Variants in THADA observed in about 807,000 individuals in gnomAD.
THADA encodes THADA armadillo repeat containing.
THADA carries 213 observed loss-of-function variants against 219.8 expected under a neutral mutation model. The observed-to-expected ratio is 0.97, with a 90% CI of 0.87 to 1.09. THADA has a LOEUF of 1.09. Among genes scored for constraint, THADA ranks in the 50% least tolerant of loss-of-function variants. THADA has a pLI of 0.00. For missense variants in THADA, 2,956 were observed against 2,311.3 expected, an observed-to-expected ratio of 1.28 and a Z score of -5.72; for synonymous variants, 1,018 against 828.9, an observed-to-expected ratio of 1.23 and a Z score of -3.92.
At chr2:43,414,989 T>C (rs962290588) in intron 28 of THADA, among the ~76,000 whole-genome samples, 1 of 152,154 alleles carries the variant, frequency 6.6e-6, no homozygotes, top group Non-Finnish European at 1.5e-5. Context: ...ACTGAAAACA[T>C]GAGAGCAAAT....
chr2:43,490,974 G>A (rs769050198), intron 25 of THADA, among the ~76,000 whole-genome samples: 1 of 152,108 alleles, frequency 6.6e-6, no homozygotes. Flanking sequence ...ACTTAAAAGA[G>A]TTATTGTAAA....
At chr2:43,547,340 T>A (rs1181677951) in intron 20 of THADA, among the ~76,000 whole-genome samples, 6 of 152,342 alleles carry the variant, frequency 3.9e-5, no homozygotes, top group East Asian at 3.9e-4. Flanking sequence ...CTGACAATTA[T>A]CTGTCTTGGA....
At chr2:43,576,172 A>G (rs960983851) in intron 10 of THADA, among the ~76,000 whole-genome samples, 2 of 152,238 alleles carry the variant, frequency 1.3e-5, no homozygotes, top group African/African-American at 4.8e-5. Flanking sequence ...TGAATAAACT[A>G]ATAAACTGAA....
At chr2:43,455,665 T>A (rs1439217918) in intron 26 of THADA, among the ~76,000 whole-genome samples, 1 of 152,216 alleles carries the variant, frequency 6.6e-6, no homozygotes, top group African/African-American at 2.4e-5. Context: ...AAGCCTATCC[T>A]GAATAAGCAG....
chr2:43,347,159 C>T (rs4952986), intron 29 of THADA, among the ~76,000 whole-genome samples: 6,428 of 152,138 alleles, frequency 0.042, 890 homozygotes, highest in East Asian at 0.36. Flanking sequence ...ATTTTGAAGC[C>T]GGGCAGAGAT....
At chr2:43,523,874 A>T (rs1016692632) in intron 22 of THADA, among the ~76,000 whole-genome samples, 1 of 152,240 alleles carries the variant, frequency 6.6e-6, no homozygotes, top group African/African-American at 2.4e-5. Flanking sequence ...ATTATAATCA[A>T]TGATTTTATC....
At chr2:43,411,372 G>C (rs967682688) in intron 28 of THADA, among the ~76,000 whole-genome samples, 1 of 152,180 alleles carries the variant, frequency 6.6e-6, no homozygotes, top group African/African-American at 2.4e-5. Flanking sequence ...AAGGACACTT[G>C]ACAGCTCCAA....
intron 30 of THADA, among the ~76,000 whole-genome samples, chr2:43,341,842 C>A (rs1021920066): frequency 6.6e-6 from 1 of 152,152 alleles, no homozygotes; most frequent in African/African-American, 2.4e-5. Flanking sequence ...ATGCTAAGAG[C>A]CACACAGAAG....
intron 26 of THADA, among the ~76,000 whole-genome samples, chr2:43,451,654 G>T (rs1682355074): frequency 6.6e-6 from 1 of 151,894 alleles, no homozygotes; most frequent in Non-Finnish European, 1.5e-5. Context: ...TCAGCCATAG[G>T]GGTTCCATGT....
At chr2:43,402,306 C>T (rs1674953383) in intron 28 of THADA, among the ~76,000 whole-genome samples, 1 of 152,142 alleles carries the variant, frequency 6.6e-6, no homozygotes, top group Non-Finnish European at 1.5e-5. Context: ...CGAAGAGTGG[C>T]ACAGAAAAGT....
intron 29 of THADA, among the ~76,000 whole-genome samples, chr2:43,348,087 A>T (rs1235473866): frequency 2.0e-5 from 3 of 152,354 alleles, no homozygotes; most frequent in East Asian, 3.9e-4. Flanking sequence ...CTTTGGGCCA[A>T]AAGTGGCTGC....
chr2:43,586,120 C>G (rs1700997770), intron 7 of THADA, among the ~76,000 whole-genome samples: 1 of 151,960 alleles, frequency 6.6e-6, no homozygotes, highest in African/African-American at 2.4e-5. Context: ...AAAAAACTAT[C>G]TGGGTGTGGT....
intron 22 of THADA, among the ~76,000 whole-genome samples, chr2:43,524,139 C>G (rs1005209662): frequency 1.3e-5 from 2 of 152,114 alleles, no homozygotes; most frequent in African/African-American, 4.8e-5. Flanking sequence ...TTAAGGAGAA[C>G]AGGAATATTT....
intron 22 of THADA, among the ~76,000 whole-genome samples, chr2:43,521,239 G>T (rs781291489): frequency 8.2e-6 from 1 of 121,440 alleles, no homozygotes; most frequent in Admixed American, 7.5e-5. Context: ...CAAGAAGGCA[G>T]GCAGGCAGGC....
At chr2:43,365,050 C>T (rs1047455950) in intron 29 of THADA, among the ~76,000 whole-genome samples, 8 of 151,360 alleles carry the variant, frequency 5.3e-5, no homozygotes, top group Non-Finnish European at 1.0e-4. Context: ...CTCCGCCTCC[C>T]GAGTAGCTGG....
chr2:43,483,767 TTATA>T (rs946429974), intron 26 of THADA, among the ~76,000 whole-genome samples: 4 of 151,222 alleles, frequency 2.6e-5, no homozygotes, highest in African/African-American at 9.7e-5. Flanking sequence ...GTATATATAT[TTATA>T]TATATATTCA....
intron 22 of THADA, among the ~76,000 whole-genome samples, chr2:43,514,155 A>G (rs1213449148): frequency 6.6e-6 from 1 of 151,860 alleles, no homozygotes; most frequent in Admixed American, 6.6e-5. Context: ...ACTAGAAATA[A>G]AAGTGTACTT....
intron 29 of THADA, among the ~76,000 whole-genome samples, chr2:43,352,874 C>T (rs1286977081): frequency 6.6e-6 from 1 of 152,186 alleles, no homozygotes; most frequent in African/African-American, 2.4e-5. Flanking sequence ...ATCCTTTGAC[C>T]TACATCTGAT....
At chr2:43,390,484 A>G (rs558825658) in intron 29 of THADA, among the ~76,000 whole-genome samples, 2 of 152,264 alleles carry the variant, frequency 1.3e-5, no homozygotes, top group East Asian at 1.9e-4. Flanking sequence ...ATGTCTTGTG[A>G]TAGAATTTTG....
Sources: allele counts gnomAD v4.1 joint callset (sites outside exome capture counted in the v4.1 genomes callset), GRCh38; gene constraint gnomAD v4.1.1; transcripts MANE v1.5; gene names NCBI Gene and HGNC (gene_info 2026-07-23, HGNC 2026-07-21).